The following IL17A variants were observed in gnomAD, a reference collection of about 807,000 sequenced individuals.
IL17A encodes interleukin 17A.
Under a neutral mutation model 7.2 loss-of-function variants are expected in IL17A, and 1 was observed. The ratio of observed to expected loss-of-function variants is 0.14; its 90% confidence interval spans 0.05 to 0.66. IL17A has a LOEUF of 0.66. Ranked by LOEUF, IL17A falls within the 30% of genes least tolerant of loss-of-function variation. The probability of loss-of-function intolerance (pLI) is 0.84; values close to 1 mark genes in which losing one functional copy is unlikely to be tolerated. For missense variants in IL17A, 191 were observed against 197.1 expected (o/e 0.97, Z 0.18); for synonymous variants, 90 against 77.7 (o/e 1.16, Z -0.83).
At chr6:52,187,553 A>G (rs1019339572) in intron 1 of IL17A, 50 bp from the exon 2 acceptor site, 4 of 1,410,886 alleles carry the variant, frequency 2.8e-6, no homozygotes, top group South Asian at 1.2e-5. Flanking sequence ...AAAAAGAACC[A>G]CATAGTAATC....
At chr6:52,186,882 A>C (rs960589872) in intron 1 of IL17A, among the ~76,000 whole-genome samples, 6 of 152,210 alleles carry the variant, frequency 3.9e-5, no homozygotes, top group African/African-American at 1.4e-4. Context: ...CCATATTCTC[A>C]GTACATTGAA....
At chr6:52,186,769 G>T (rs1763292069) in intron 1 of IL17A, among the ~76,000 whole-genome samples, 1 of 152,122 alleles carries the variant, frequency 6.6e-6, no homozygotes. Flanking sequence ...GAGTACAAAG[G>T]ATTTAATATA....
At position 52,189,201 on chromosome 6, in the gene IL17A, C is replaced by T; in HGVS notation, c.377C>T (p.Pro126Leu). ...QQEILVLRRE[P>L]PHCPNSFRLE... ...GAGATCCTGGTCCTGCGCAGGGAGC[C>T]TCCACACTGCCCCAACTCCTTCCGG... The change falls in exon 3 of 3, where the codon CCT (proline) becomes CTT (leucine). Residue 126 changes from proline (P) to leucine (L), a missense_variant. Transcript: ENST00000648244. 6.2e-7 allele frequency: 1 copy of T among 1,614,168 alleles called. No homozygotes were observed. The highest frequency in any genetic ancestry group is 8.5e-7 in the Non-Finnish European group (1 of 1,180,010).
At position 52,189,352 on chromosome 6, in the gene IL17A, C is replaced by T. The variant is rs775540570; in HGVS notation, c.*60C>T. On this transcript the variant is annotated 3_prime_UTR_variant, in exon 3 of 3. Coordinates refer to ENST00000648244, the MANE Select transcript of IL17A (RefSeq NM_002190.3). ...AGACTATGGAGAGCCGACCCAGCCC[C>T]TCAGGAACCCTCATCCTTCAAAGAC... The T allele has an allele frequency of 2.5e-6, 3 of 1,208,570 alleles. No homozygotes were observed. Among genetic ancestry groups the T allele is most frequent in the South Asian group, 2.6e-5 (2 of 77,606 alleles). 74.9% of individuals were successfully genotyped at this position (1,208,570 alleles called of 1,614,324 possible).
At chr6:52,186,802 T>C (rs1763292922) in intron 1 of IL17A, among the ~76,000 whole-genome samples, 1 of 152,220 alleles carries the variant, frequency 6.6e-6, no homozygotes. Context: ...CATTTTTCTT[T>C]AAAATGGGTC....
intron 2 of IL17A, among the ~76,000 whole-genome samples, chr6:52,188,669 G>T (rs1308415063): frequency 3.9e-5 from 6 of 152,064 alleles, no homozygotes; most frequent in Non-Finnish European, 8.8e-5. Context: ...ACTTCATCAA[G>T]TCAAATAAAC....
At chr6:52,187,274 A>T (rs764295068) in intron 1 of IL17A, among the ~76,000 whole-genome samples, 1 of 152,222 alleles carries the variant, frequency 6.6e-6, no homozygotes, top group Admixed American at 6.5e-5. Flanking sequence ...CCTGACAATG[A>T]TGCATGTGCT....
At chr6:52,188,330 C>A (rs549580713) in intron 2 of IL17A, among the ~76,000 whole-genome samples, 10 of 152,018 alleles carry the variant, frequency 6.6e-5, no homozygotes, top group Non-Finnish European at 1.3e-4. Flanking sequence ...CTTGCTGTAT[C>A]CTTAGTATAC....
Position 52,189,527 on chromosome 6 carries a change from G to T in IL17A, c.*235G>T. 2.3e-6 allele frequency: 1 copy of T among 431,728 alleles called. No homozygotes were observed. Among genetic ancestry groups the T allele is most frequent in the Admixed American group, 4.0e-5 (1 of 24,814 alleles). The allele number at this position is 431,728 out of a possible 1,614,324, so 26.7% of individuals were successfully genotyped here. A position where few individuals can be genotyped will look rare whatever the true frequency, so the allele number is the denominator to read the frequency against. On this transcript the variant is annotated 3_prime_UTR_variant, in exon 3 of 3. Coordinates refer to ENST00000648244, the MANE Select transcript of IL17A (RefSeq NM_002190.3). ...TTGACTGAGTACCAATTTGCTTCTT[G>T]TTTACTTTTTTAAGGGCTTTAAGTT...
intron 1 of IL17A, among the ~76,000 whole-genome samples, chr6:52,186,914 T>A (rs533883536): frequency 6.6e-6 from 1 of 152,220 alleles, no homozygotes; most frequent in Non-Finnish European, 1.5e-5. Context: ...TAACTAAACA[T>A]AGGTATAACT....
In IL17A at chr6:52,186,500, C is replaced by T. The variant is rs140425841; in HGVS notation, c.27+42C>T. ...CGTGCGATGCTCTTGCTGATTTGGACCAGATAGTATTTCTGGACCGTGGGC... is the reference window on the plus strand; with the variant it reads ...CGTGCGATGCTCTTGCTGATTTGGATCAGATAGTATTTCTGGACCGTGGGC... On this transcript the variant is annotated intron_variant, in intron 1 of 2. Transcript: ENST00000648244. 539 of 1,605,068 alleles carry T rather than the reference C, an allele frequency of 3.4e-4. 3 individuals are homozygous for T. The African/African-American group carries it at 6.3e-3, about 19-fold the overall frequency.
chr6:52,189,122 A>T lies in IL17A; in HGVS notation c.298A>T (p.Ile100Phe). ...WEAKCRHLGC[I>F]NADGNVDYHM... ...GGCAAAGTGCCGCCACTTGGGCTGC[A>T]TCAACGCTGATGGGAACGTGGACTA... The change falls in exon 3 of 3, where the codon ATC (isoleucine) becomes TTC (phenylalanine). Residue 100 changes from isoleucine (I) to phenylalanine (F), a missense_variant. Transcript: ENST00000648244. 1 of 1,614,174 alleles carries T rather than the reference A, an allele frequency of 6.2e-7. No homozygotes were observed. Among genetic ancestry groups the T allele is most frequent in the South Asian group, 1.1e-5 (1 of 91,086 alleles).
chr6:52,188,962 C>T (rs913406604), intron 2 of IL17A, 93 bp from the exon 3 acceptor site: 17 of 876,488 alleles, frequency 1.9e-5, no homozygotes, highest in Non-Finnish European at 2.5e-5. Flanking sequence ...ATTTGTCATC[C>T]TGTGAACTTG....
At chr6:52,188,868 T>C (rs888226524) in intron 2 of IL17A, among the ~76,000 whole-genome samples, 187 bp from the exon 3 acceptor site, 5 of 152,090 alleles carry the variant, frequency 3.3e-5, no homozygotes, top group South Asian at 2.1e-4. Context: ...TCTATAACAA[T>C]TCACGTGCTT....
At chr6:52,186,498 G>T in intron 1 of IL17A, 40 bp downstream of exon 1, 3 of 1,607,792 alleles carry the variant, frequency 1.9e-6, no homozygotes, top group Non-Finnish European at 2.6e-6. Flanking sequence ...TGCTGATTTG[G>T]ACCAGATAGT....
In IL17A at chr6:52,190,160, TC is replaced by T. The variant is rs1487751444; in HGVS notation, c.*870del. The stretch of plus-strand genomic sequence containing the variant: ...ACAATGACCTGGAAATACCCAAAAT[TC>T]CAAGTTCTCGATTTCACATGCCTTC... On this transcript the variant is annotated 3_prime_UTR_variant, in exon 3 of 3. Coordinates refer to ENST00000648244, the MANE Select transcript of IL17A (RefSeq NM_002190.3). 6.6e-6 allele frequency: 1 copy of T among 152,114 alleles called. No individual in the cohort carries two copies. The highest frequency in any genetic ancestry group is 1.5e-5 in the Non-Finnish European group (1 of 68,016). 9.4% of individuals were successfully genotyped at this position (152,114 alleles called of 1,614,324 possible).
chr6:52,187,333 C>T (rs189019731), intron 1 of IL17A, among the ~76,000 whole-genome samples: 1 of 152,044 alleles, frequency 6.6e-6, no homozygotes, highest in African/African-American at 2.4e-5. Context: ...AAAATTATTG[C>T]CAACCAATGG....
Position 52,186,425 on chromosome 6 carries a change from A to C in IL17A, c.-7A>C, listed in dbSNP as rs1763285358. The C allele has an allele frequency of 6.2e-7, 1 of 1,613,672 alleles. No individual in the cohort carries two copies. The highest frequency in any genetic ancestry group is 8.5e-7 in the Non-Finnish European group (1 of 1,179,580). On this transcript the variant is annotated 5_prime_UTR_variant, in exon 1 of 3. Coordinates refer to ENST00000648244, the MANE Select transcript of IL17A (RefSeq NM_002190.3). The stretch of plus-strand genomic sequence containing the variant: ...CATCCATCCCCAGTTGATTGGAAGA[A>C]ACAACGATGACTCCTGGGAAGACCT...
rs1050974284 is a variant in IL17A, at chr6:52,189,388, C to T, written c.*96C>T. ...TCATCCTTCAAAGACAGCCTCATTT[C>T]GGACTAAACTCATTAGAGTTCTTAA... On this transcript the variant is annotated 3_prime_UTR_variant, in exon 3 of 3. Transcript: ENST00000648244. 11 of 870,088 alleles carry T rather than the reference C, an allele frequency of 1.3e-5. No homozygotes were observed. Among genetic ancestry groups the T allele is most frequent in the African/African-American group, 6.7e-5 (4 of 59,336 alleles). The allele number at this position is 870,088 out of a possible 1,614,324, so 53.9% of individuals were successfully genotyped here.
Sources: allele counts gnomAD v4.1 joint callset (sites outside exome capture counted in the v4.1 genomes callset), GRCh38; gene constraint gnomAD v4.1.1; transcripts MANE v1.5; gene names NCBI Gene and HGNC (gene_info 2026-07-23, HGNC 2026-07-21).